ETV1: variants seen among roughly 807,000 people sequenced by gnomAD.
ETV1 encodes ETS variant transcription factor 1, also known as ETS translocation variant 1.
A neutral mutation model predicts 62.3 loss-of-function variants in ETV1; 27 were observed. The ratio of observed to expected loss-of-function variants is 0.43; its 90% CI spans 0.32 to 0.60. The LOEUF (loss-of-function observed/expected upper bound fraction) is 0.60. Among genes scored for constraint, ETV1 ranks in the 20% least tolerant of loss-of-function variants. The pLI is 0.06. For synonymous variants in ETV1, 222 were observed against 199.6 expected, an observed-to-expected ratio of 1.11 and a Z score of -0.94; for missense variants, 605 against 605.8, an observed-to-expected ratio of 1.00 and a Z score of 0.01.
intron 6 of ETV1, among the ~76,000 whole-genome samples, chr7:13,948,207 A>T (rs1225643844): frequency 1.3e-5 from 2 of 152,208 alleles, no homozygotes; most frequent in African/African-American, 2.4e-5. Flanking sequence ...TGTCACAATG[A>T]TGGAAAGGTC....
At chr7:13,985,883 A>C (rs571425543) in intron 5 of ETV1, among the ~76,000 whole-genome samples, 3 of 152,212 alleles carry the variant, frequency 2.0e-5, no homozygotes, top group Non-Finnish European at 4.4e-5. Context: ...TGCATACGAT[A>C]AAAGATATAA....
intron 9 of ETV1, among the ~76,000 whole-genome samples, chr7:13,930,392 G>C (rs1785950357): frequency 6.6e-6 from 1 of 151,976 alleles, no homozygotes. Context: ...CGCAATCTTG[G>C]CTCACTGCAA....
chr7:13,925,858 A>T (rs1785364290), intron 9 of ETV1, among the ~76,000 whole-genome samples: 1 of 151,386 alleles, frequency 6.6e-6, no homozygotes, highest in African/African-American at 2.4e-5. Flanking sequence ...GCCTGGCCCG[A>T]CTGATTTTTT....
intron 7 of ETV1, among the ~76,000 whole-genome samples, chr7:13,938,161 T>C (rs1303770017): frequency 6.6e-6 from 1 of 152,176 alleles, no homozygotes; most frequent in Non-Finnish European, 1.5e-5. Context: ...GTCAGGCTGG[T>C]CTTGAACTCC....
chr7:13,896,765 A>AAAGAAAGT (rs1406787057), intron 13 of ETV1, among the ~76,000 whole-genome samples: 5 of 150,610 alleles, frequency 3.3e-5, no homozygotes, highest in African/African-American at 1.2e-4. Context: ...AGAAAGAAAG[A>AAAGAAAGT]AAGAAAGAAA....
intron 9 of ETV1, among the ~76,000 whole-genome samples, chr7:13,926,810 ATCTATT>A (rs1360447366): frequency 1.3e-5 from 2 of 152,074 alleles, no homozygotes; most frequent in Non-Finnish European, 2.9e-5. Flanking sequence ...AGCCCTAAAT[ATCTATT>A]TCTTGTTTCC....
chr7:13,908,322 C>T (rs1035340759), intron 11 of ETV1, among the ~76,000 whole-genome samples: 7 of 152,010 alleles, frequency 4.6e-5, no homozygotes, highest in African/African-American at 1.4e-4. Flanking sequence ...TAATTCTGTC[C>T]ATAATTTTGA....
chr7:13,917,691 G>A lies in ETV1; in HGVS notation c.803-6384C>T, dbSNP rs962163543. Among the ~76,000 whole-genome samples, 61 of 151,822 alleles carry A rather than the reference G, an allele frequency of 4.0e-4. 1 individual carries two copies. The highest frequency in any genetic ancestry group is 2.0e-4 in the Admixed American group (3 of 15,236). On this transcript the variant is annotated intron_variant, in intron 9 of 13. Transcript: ENST00000430479. The stretch of plus-strand genomic sequence containing the variant: ...TTTAAAAGAAAATATGAGGCCGGGC[G>A]CGGTGGCTCACGCCTGTAATCCCAG...
At chr7:13,948,555 G>A (rs1045029790) in intron 6 of ETV1, among the ~76,000 whole-genome samples, 2 of 152,028 alleles carry the variant, frequency 1.3e-5, no homozygotes, top group Non-Finnish European at 2.9e-5. Flanking sequence ...GGCCACATCC[G>A]GCCTTCCACC....
chr7:13,942,439 A>T (rs1418870029), intron 6 of ETV1, among the ~76,000 whole-genome samples: 1 of 152,054 alleles, frequency 6.6e-6, no homozygotes, highest in African/African-American at 2.4e-5. Flanking sequence ...TCAGGGATAC[A>T]TGTGCAGATT....
intron 6 of ETV1, among the ~76,000 whole-genome samples, chr7:13,948,497 T>C (rs1788425412): frequency 6.6e-6 from 1 of 152,208 alleles, no homozygotes; most frequent in Non-Finnish European, 1.5e-5. Context: ...TTTAGAATAG[T>C]CTTCTGTATG....
chr7:13,915,821 C>T (rs918088549), intron 9 of ETV1, among the ~76,000 whole-genome samples: 2 of 151,920 alleles, frequency 1.3e-5, no homozygotes, highest in African/African-American at 4.8e-5. Context: ...AAGTAATTAT[C>T]TTCCAAAATA....
In ETV1 at chr7:13,981,544, T is replaced by TATATAC. The variant is rs68083019; in HGVS notation, c.182-4065_182-4064insGTATAT. ...ACATACATACATACATATATATATA[T>TATATAC]ACACACACACAAATACATACATGCA... is the stretch of plus-strand genomic sequence containing the variant. On this transcript the variant is annotated intron_variant, in intron 5 of 13. Transcript: ENST00000430479. Among the ~76,000 whole-genome samples the TATATAC allele has an allele frequency of 6.5e-3, 974 of 150,932 alleles. 12 individuals carry two copies. The highest frequency in any genetic ancestry group is 0.014 in the African/African-American group (583 of 41,116).
chr7:13,983,621 CT>C (rs34955846), intron 5 of ETV1, among the ~76,000 whole-genome samples: 273 of 144,776 alleles, frequency 1.9e-3, no homozygotes, highest in African/African-American at 4.7e-3. Context: ...TATTCCCTGA[CT>C]TTTTTTTTTT....
At chr7:13,978,576 C>T (rs7802610) in intron 5 of ETV1, among the ~76,000 whole-genome samples, 115,610 of 151,898 alleles carry the variant, frequency 0.76, 44,274 homozygotes, top group African/African-American at 0.84. Flanking sequence ...TTTAAATAGA[C>T]GTTAATTAAC....
At chr7:13,980,997 A>C (rs1781922720) in intron 5 of ETV1, among the ~76,000 whole-genome samples, 1 of 152,132 alleles carries the variant, frequency 6.6e-6, no homozygotes, top group East Asian at 1.9e-4. Flanking sequence ...AATAATAATC[A>C]TTACTTAAGA....
intron 11 of ETV1, among the ~76,000 whole-genome samples, chr7:13,908,129 T>C (rs1224096365): frequency 6.6e-6 from 1 of 152,086 alleles, no homozygotes; most frequent in Non-Finnish European, 1.5e-5. Context: ...AGTGAAAAAA[T>C]AACCCCCTCA....
intron 7 of ETV1, among the ~76,000 whole-genome samples, 163 bp downstream of exon 7, chr7:13,938,954 G>A (rs1787139548): frequency 6.6e-6 from 1 of 152,320 alleles, no homozygotes; most frequent in African/African-American, 2.4e-5. Context: ...TGTGTGATTG[G>A]ATGGTAAATG....
intron 8 of ETV1, among the ~76,000 whole-genome samples, chr7:13,931,975 T>G (rs1050453556): frequency 2.6e-5 from 4 of 151,992 alleles, no homozygotes; most frequent in African/African-American, 9.7e-5. Context: ...ACTGTTGCAG[T>G]ATATGAGTTA....
Sources: allele counts gnomAD v4.1 joint callset (sites outside exome capture counted in the v4.1 genomes callset), GRCh38; gene constraint gnomAD v4.1.1; transcripts MANE v1.5; gene names NCBI Gene and HGNC (gene_info 2026-07-23, HGNC 2026-07-21).